Variants in ZNF365 observed in about 807,000 individuals in gnomAD.
The protein encoded by ZNF365 is protein ZNF365.
A neutral mutation model predicts 35.0 loss-of-function variants in ZNF365; 22 were observed. That is an observed-to-expected ratio of 0.63 (90% CI 0.45 to 0.90). The LOEUF (loss-of-function observed/expected upper bound fraction) is 0.90, where lower values mean the gene tolerates loss of function less well. Among genes scored for constraint, ZNF365 ranks in the 40% least tolerant of loss-of-function variants. ZNF365 has a pLI of 0.00. For missense variants in ZNF365, 448 were observed against 500.3 expected (o/e 0.90, Z 1.00); for synonymous variants, 188 against 196.2 (o/e 0.96, Z 0.35).
At chr10:62,476,033 T>C (rs1841124884) in intron 4 of ZNF365, among the ~76,000 whole-genome samples, 1 of 152,060 alleles carries the variant, frequency 6.6e-6, no homozygotes, top group Non-Finnish European at 1.5e-5. Flanking sequence ...GTTTACTGTC[T>C]GATAAGTTAT....
chr10:62,479,825 C>CTG (rs1589478920), intron 4 of ZNF365: 1 of 1,295,498 alleles, frequency 7.7e-7, no homozygotes, highest in East Asian at 2.3e-5. Context: ...GTTGCTGGCA[C>CTG]CTAGATACCA....
At chr10:62,398,871 G>C (rs888653093) in intron 4 of ZNF365, 94 bp downstream of exon 4, 1 of 1,218,934 alleles carries the variant, frequency 8.2e-7, no homozygotes, top group African/African-American at 1.6e-5. Context: ...TATTTTATAT[G>C]ATATCTATAT....
intron 3 of ZNF365, among the ~76,000 whole-genome samples, chr10:62,455,234 G>T (rs1840744483): frequency 6.6e-6 from 1 of 152,148 alleles, no homozygotes; most frequent in Non-Finnish European, 1.5e-5. Context: ...CTGGGAGAGA[G>T]CTGGACAGGG....
chr10:62,377,932 G>C (rs1252396700), intron 2 of ZNF365, among the ~76,000 whole-genome samples: 1 of 152,094 alleles, frequency 6.6e-6, no homozygotes, highest in Non-Finnish European at 1.5e-5. Flanking sequence ...ATTTTGTGTT[G>C]TCTCTTAAAA....
At chr10:62,398,031 C>T (rs373299260) in intron 3 of ZNF365, among the ~76,000 whole-genome samples, 17 of 152,244 alleles carry the variant, frequency 1.1e-4, no homozygotes, top group African/African-American at 2.9e-4. Flanking sequence ...GTCTTTTATC[C>T]GTCACCCCAC....
rs139729060 is a variant in ZNF365 at position 62,452,744 on chromosome 10, A to C, written c.925-6997A>C. On this transcript the variant is annotated intron_variant, in intron 3 of 4. Transcript: ENST00000395255. Reference sequence around the variant, plus strand: ...CCCCAGGGTCCTAACTCTAGGAATAAGTTTTTATTCTCTTGTATCTTTGGG... The same window carrying C: ...CCCCAGGGTCCTAACTCTAGGAATACGTTTTTATTCTCTTGTATCTTTGGG... Among the ~76,000 whole-genome samples, 121 of 152,372 alleles carry C rather than the reference A, an allele frequency of 7.9e-4. 1 individual carries two copies. The East Asian group carries it at 0.019, about 25-fold the overall frequency.
intron 4 of ZNF365, among the ~76,000 whole-genome samples, chr10:62,474,779 A>C (rs937628688): frequency 2.0e-5 from 3 of 152,134 alleles, no homozygotes; most frequent in Non-Finnish European, 2.9e-5. Flanking sequence ...GTTTTCTCCC[A>C]AGTTGACATA....
chr10:62,472,200 A>G (rs1841053328), intron 4 of ZNF365, among the ~76,000 whole-genome samples: 1 of 152,220 alleles, frequency 6.6e-6, no homozygotes, highest in South Asian at 2.1e-4. Context: ...TAAAATGTCA[A>G]GGGGTTGCTT....
chr10:62,455,671 A>C (rs968993666), intron 3 of ZNF365, among the ~76,000 whole-genome samples: 1 of 152,124 alleles, frequency 6.6e-6, no homozygotes, highest in African/African-American at 2.4e-5. Flanking sequence ...AACTTAGAGA[A>C]GGATAGAAAA....
intron 3 of ZNF365, among the ~76,000 whole-genome samples, chr10:62,389,495 G>T (rs968549645): frequency 2.0e-5 from 3 of 151,136 alleles, no homozygotes; most frequent in African/African-American, 7.3e-5. Flanking sequence ...ATAAGGAAAA[G>T]AAAATAGGCA....
chr10:62,431,836 G>A (rs528509007), intron 3 of ZNF365, among the ~76,000 whole-genome samples: 1 of 151,850 alleles, frequency 6.6e-6, no homozygotes, highest in Admixed American at 6.6e-5. Context: ...ATAGCATTTG[G>A]GTTTTTGTTT....
intron 4 of ZNF365, among the ~76,000 whole-genome samples, chr10:62,467,393 C>T (rs1186362401): frequency 6.6e-6 from 1 of 152,122 alleles, no homozygotes; most frequent in Admixed American, 6.5e-5. Flanking sequence ...AGTTAGAGGG[C>T]TGAGTAGCAG....
chr10:62,461,977 CT>C (rs146325796), intron 4 of ZNF365, among the ~76,000 whole-genome samples: 6 of 151,440 alleles, frequency 4.0e-5, no homozygotes, highest in South Asian at 4.2e-4. Flanking sequence ...TCTCCCCATC[CT>C]TTTTTTTTAC....
At chr10:62,426,772 C>T (rs1173129779) in intron 3 of ZNF365, among the ~76,000 whole-genome samples, 1 of 151,946 alleles carries the variant, frequency 6.6e-6, no homozygotes, top group East Asian at 1.9e-4. Context: ...GATATCCAGC[C>T]CTGGGATGAT....
In ZNF365 at chr10:62,401,905, TTATTA is replaced by T. The variant is rs1839836202; in HGVS notation, c.*2122_*2126del. The stretch of plus-strand genomic sequence containing the variant: ...CAAGACGAATTATTTTGAGATTTGT[TTATTA>T]TATTAAAATGTTTTTTTACGTTCCC... On this transcript the variant is annotated 3_prime_UTR_variant, in exon 5 of 5. Coordinates refer to ENST00000395254, the MANE Select transcript of ZNF365 (RefSeq NM_014951.3). 1 of 985,140 alleles carries T rather than the reference TTATTA, an allele frequency of 1.0e-6. No homozygotes were observed. The highest frequency in any genetic ancestry group is 1.1e-4 in the East Asian group (1 of 8,964). The allele number at this position is 985,140 out of a possible 1,614,324, so 61.0% of individuals were successfully genotyped here. A position where few individuals can be genotyped will look rare whatever the true frequency, so the allele number is the denominator to read the frequency against.
rs111602925 is a variant in ZNF365 at position 62,464,894 on chromosome 10, G to A, written c.981+5097G>A. Among the ~76,000 whole-genome samples, 26 of 152,360 alleles carry A rather than the reference G, an allele frequency of 1.7e-4. 2 individuals are homozygous for A. The highest frequency in any genetic ancestry group is 6.0e-4 in the African/African-American group (25 of 41,576). On this transcript the variant is annotated intron_variant, in intron 4 of 4. Coordinates refer to the ZNF365 transcript ENST00000395255. ...GGCCACTACAAGGATGCCAGCTATA[G>A]CAAGGGAGGCGCAGCCAGAGCTGTG...
rs528656981 is a variant in ZNF365 at position 62,468,179 on chromosome 10, TA to T, written c.981+8388del. ...AATAATTCTAAAAATTAGGAAAATA[TA>T]AAAAAGCACAAAGAAAAAATATCCA... On this transcript the variant is annotated intron_variant, in intron 4 of 4. Coordinates refer to the ZNF365 transcript ENST00000395255. Among the ~76,000 whole-genome samples, 13 of 152,150 alleles carry T rather than the reference TA, an allele frequency of 8.5e-5. No individual in the cohort carries two copies. In the South Asian group the frequency reaches 2.5e-3, roughly 29 times the overall value.
intron 3 of ZNF365, among the ~76,000 whole-genome samples, chr10:62,431,461 A>AT (rs906876504): frequency 6.6e-6 from 1 of 152,022 alleles, no homozygotes; most frequent in South Asian, 2.1e-4. Context: ...CTTTCCTCTT[A>AT]TTTTTTTAAC....
In ZNF365 at chr10:62,401,513, T is replaced by C. The variant is rs1187517960; in HGVS notation, c.*1724T>C. Reference sequence around the variant, plus strand: ...GGGGGGGTAGATCATTCATGTGATATATAAGCAGCTATCAAGTGGGCAAAA... The same window carrying C: ...GGGGGGGTAGATCATTCATGTGATACATAAGCAGCTATCAAGTGGGCAAAA... On this transcript the variant is annotated 3_prime_UTR_variant, in exon 5 of 5. Coordinates refer to ENST00000395254, the MANE Select transcript of ZNF365 (RefSeq NM_014951.3). 4 of 985,452 alleles carry C rather than the reference T, an allele frequency of 4.1e-6. No individual in the cohort carries two copies. Among genetic ancestry groups the C allele is most frequent in the African/African-American group, 3.5e-5 (2 of 57,234 alleles). 61.0% of individuals were successfully genotyped at this position (985,452 alleles called of 1,614,324 possible). A position where few individuals can be genotyped will look rare whatever the true frequency, so the allele number is the denominator to read the frequency against.
Sources: allele counts gnomAD v4.1 joint callset (sites outside exome capture counted in the v4.1 genomes callset), GRCh38; gene constraint gnomAD v4.1.1; transcripts MANE v1.5; gene names NCBI Gene and HGNC (gene_info 2026-07-23, HGNC 2026-07-21).